The following RSBN1L variants were observed in gnomAD, a reference collection of about 807,000 sequenced individuals.
The protein encoded by RSBN1L is round spermatid basic protein 1 like.
RSBN1L carries 30 observed loss-of-function variants against 67.7 expected under a neutral mutation model. The ratio of observed to expected loss-of-function variants is 0.44; its 90% confidence interval spans 0.33 to 0.60. The LOEUF is 0.60. Ranked by LOEUF, RSBN1L falls within the 20% of genes least tolerant of loss-of-function variation. The probability of loss-of-function intolerance (pLI) is 0.02; values close to 1 mark genes in which losing one functional copy is unlikely to be tolerated. For missense variants in RSBN1L, 992 were observed against 1,031.7 expected, an observed-to-expected ratio of 0.96 and a Z score of 0.53; for synonymous variants, 433 against 387.0, an observed-to-expected ratio of 1.12 and a Z score of -1.39.
chr7:77,744,999 C>T (rs577410294), intron 2 of RSBN1L, among the ~76,000 whole-genome samples: 7 of 152,272 alleles, frequency 4.6e-5, no homozygotes, highest in East Asian at 3.9e-4. Flanking sequence ...CAGTGGCTCA[C>T]GCCTGTAATG....
At chr7:77,708,148 G>C (rs1291792077) in intron 1 of RSBN1L, among the ~76,000 whole-genome samples, 1 of 152,122 alleles carries the variant, frequency 6.6e-6, no homozygotes, top group African/African-American at 2.4e-5. Flanking sequence ...GAATGAACTG[G>C]GTTTTGGAGG....
intron 5 of RSBN1L, among the ~76,000 whole-genome samples, chr7:77,769,854 ATATT>A (rs777222990): frequency 6.6e-6 from 1 of 152,162 alleles, no homozygotes; most frequent in South Asian, 2.1e-4. Flanking sequence ...AATTTTTTAT[ATATT>A]GTTGACTGGA....
At chr7:77,724,226 T>TGTGA (rs928767847) in intron 1 of RSBN1L, among the ~76,000 whole-genome samples, 1 of 152,170 alleles carries the variant, frequency 6.6e-6, no homozygotes, top group Non-Finnish European at 1.5e-5. Context: ...AATGTGTTTA[T>TGTGA]GTGAGTACAT....
At chr7:77,760,915 C>T (rs1015956113) in intron 3 of RSBN1L, among the ~76,000 whole-genome samples, 1 of 152,178 alleles carries the variant, frequency 6.6e-6, no homozygotes, top group African/African-American at 2.4e-5. Context: ...GGATTACAGG[C>T]GTGACGCCTG....
In RSBN1L at chr7:77,781,648, A is replaced by G. The variant is rs1791999325; in HGVS notation, c.*2480A>G. 1 of 152,206 alleles carries G rather than the reference A, an allele frequency of 6.6e-6. No individual in the cohort carries two copies. 9.4% of individuals were successfully genotyped at this position (152,206 alleles called of 1,614,324 possible). On this transcript the variant is annotated 3_prime_UTR_variant, in exon 8 of 8. Transcript: ENST00000334955. ...TTAGGTATAGTTTCCTATATAACCT[A>G]TAGTCAGACTTATCTATAATATGAA...
Position 77,782,077 on chromosome 7 carries a change from G to T in RSBN1L, c.*2909G>T, listed in dbSNP as rs186835119. ...TGTTAATGCCTTCAATAATGCTTACGTTCCTTGTCTTATGGGTTATAATTT... is the reference window on the plus strand; with the variant it reads ...TGTTAATGCCTTCAATAATGCTTACTTTCCTTGTCTTATGGGTTATAATTT... On this transcript the variant is annotated 3_prime_UTR_variant, in exon 8 of 8. Coordinates refer to ENST00000334955, the MANE Select transcript of RSBN1L (RefSeq NM_198467.3). 6.6e-6 allele frequency: 1 copy of T among 151,212 alleles called. No individual in the cohort carries two copies. The highest frequency in any genetic ancestry group is 1.5e-5 in the Non-Finnish European group (1 of 67,934). The allele number at this position is 151,212 out of a possible 1,614,324, so 9.4% of individuals were successfully genotyped here.
intron 1 of RSBN1L, among the ~76,000 whole-genome samples, chr7:77,709,897 A>G (rs1239905660): frequency 6.6e-6 from 1 of 152,164 alleles, no homozygotes; most frequent in Non-Finnish European, 1.5e-5. Flanking sequence ...TTTAAACTGT[A>G]AAATTAACGT....
chr7:77,719,512 A>G (rs138113476), intron 1 of RSBN1L, among the ~76,000 whole-genome samples: 25 of 152,372 alleles, frequency 1.6e-4, no homozygotes, highest in African/African-American at 6.0e-4. Flanking sequence ...TGAAACAATC[A>G]CGTTTGATAT....
chr7:77,726,869 A>G (rs1054713483), intron 1 of RSBN1L, among the ~76,000 whole-genome samples: 2 of 136,584 alleles, frequency 1.5e-5, no homozygotes, highest in African/African-American at 2.8e-5. Flanking sequence ...CAACCTCCAC[A>G]TTCCTGGGTT....
At chr7:77,739,739 CTTTTTTTTTTTTTTTTTT>C (rs1173154183) in intron 2 of RSBN1L, among the ~76,000 whole-genome samples, 1 of 42,690 alleles carries the variant, frequency 2.3e-5, no homozygotes, top group Non-Finnish European at 4.0e-5. Context: ...AAAAATGTGT[CTTTTTTTTTTTTTTTTTT>C]TTTTTTTTTT....
chr7:77,765,781 A>T, intron 4 of RSBN1L, 149 bp downstream of exon 4: 2 of 606,594 alleles, frequency 3.3e-6, no homozygotes, highest in Non-Finnish European at 5.4e-6. Context: ...TTTTGGTTTT[A>T]TTTGAACTGG....
intron 4 of RSBN1L, among the ~76,000 whole-genome samples, chr7:77,767,772 C>T (rs1334015524): frequency 1.3e-5 from 1 of 76,134 alleles, no homozygotes; most frequent in Non-Finnish European, 2.6e-5. Flanking sequence ...CCCTTCCCCT[C>T]CTCTCCCCCC....
chr7:77,734,563 A>G (rs910257994), intron 1 of RSBN1L, among the ~76,000 whole-genome samples: 4 of 151,440 alleles, frequency 2.6e-5, no homozygotes, highest in Non-Finnish European at 4.4e-5. Flanking sequence ...ATCTCGGCTC[A>G]CTGCAACCTC....
chr7:77,770,698 A>G (rs1325261805), intron 5 of RSBN1L, among the ~76,000 whole-genome samples: 1 of 152,144 alleles, frequency 6.6e-6, no homozygotes, highest in East Asian at 1.9e-4. Context: ...AAAAATGGTG[A>G]AATAGTTAAA....
chr7:77,709,663 CAG>C (rs1584275423), intron 1 of RSBN1L, among the ~76,000 whole-genome samples: 2 of 152,072 alleles, frequency 1.3e-5, no homozygotes, highest in Admixed American at 6.6e-5. Context: ...ATTAACTGTT[CAG>C]AGTCTTCCAG....
chr7:77,747,008 T>C (rs1791492868), intron 2 of RSBN1L, among the ~76,000 whole-genome samples: 1 of 152,176 alleles, frequency 6.6e-6, no homozygotes, highest in African/African-American at 2.4e-5. Flanking sequence ...TATTGAGGGC[T>C]TGAGGCTTTT....
Position 77,696,839 on chromosome 7 carries a change from G to C in RSBN1L, c.370G>C (p.Val124Leu). The change falls in exon 1 of 8, where the codon GTG becomes CTG. Residue 124 changes from valine to leucine, a missense_variant. By Grantham distance (32) the Val-to-Leu change is conservative (BLOSUM62 1). Transcript: ENST00000334955. ...SSASASLSQP[V>L]PRKLLVPPTL... is the part of the protein sequence containing the mutation. ...AGCCTCCGCTTCCTTGTCTCAGCCG[G>C]TGCCGCGCAAACTGCTGGTCCCTCC... The C allele has an allele frequency of 6.2e-7, 1 of 1,613,176 alleles. No individual in the cohort carries two copies. Among genetic ancestry groups the C allele is most frequent in the Non-Finnish European group, 8.5e-7 (1 of 1,179,954 alleles).
intron 1 of RSBN1L, among the ~76,000 whole-genome samples, chr7:77,725,990 A>G (rs1791198814): frequency 6.6e-6 from 1 of 151,780 alleles, no homozygotes; most frequent in Non-Finnish European, 1.5e-5. Flanking sequence ...CGCTTCTGTT[A>G]TATATTGTTA....
intron 2 of RSBN1L, among the ~76,000 whole-genome samples, chr7:77,736,887 G>T (rs924331730): frequency 6.6e-6 from 1 of 152,160 alleles, no homozygotes; most frequent in Non-Finnish European, 1.5e-5. Flanking sequence ...GATAGGGATG[G>T]TGAAGTAAGT....
Sources: allele counts gnomAD v4.1 joint callset (sites outside exome capture counted in the v4.1 genomes callset), GRCh38; gene constraint gnomAD v4.1.1; transcripts MANE v1.5; gene names NCBI Gene and HGNC (gene_info 2026-07-23, HGNC 2026-07-21).